GPRASP3: variants seen among roughly 807,000 people sequenced by gnomAD.
GPRASP3 encodes G protein-coupled receptor associated sorting protein family member 3, also known as G protein-coupled receptor associated sorting protein 3.
the GPRASP3 span, among the ~76,000 whole-genome samples, chrX:102,748,531 G>A: frequency 8.9e-6 from 1 of 112,606 alleles, no homozygotes; most frequent in African/African-American, 3.2e-5. Flanking sequence ...GCAGGACATT[G>A]TTGAGCATTA....
the GPRASP3 span, among the ~76,000 whole-genome samples, chrX:102,726,889 CT>C: frequency 8.9e-6 from 1 of 112,537 alleles, no homozygotes; most frequent in African/African-American, 3.2e-5. Context: ...TAAAGCTTTA[CT>C]TTTTAATCTG....
the GPRASP3 span, chrX:102,749,668 G>C: frequency 5.0e-6 from 6 of 1,211,190 alleles, no homozygotes; most frequent in Non-Finnish European, 5.6e-6. Context: ...CAATGCCCCT[G>C]CTGTAACTCC....
the GPRASP3 span, among the ~76,000 whole-genome samples, chrX:102,743,025 A>T: frequency 1.8e-5 from 2 of 111,541 alleles, no homozygotes; most frequent in African/African-American, 6.5e-5. Context: ...AAGATAAGAG[A>T]TAAATGGTTG....
chrX:102,749,285 C>T, the GPRASP3 span: 2 of 1,211,396 alleles, frequency 1.7e-6, no homozygotes, highest in Non-Finnish European at 2.2e-6. Context: ...AATGAGTCCA[C>T]CAGCTCCACA....
chrX:102,748,131 G>C, the GPRASP3 span, among the ~76,000 whole-genome samples: 1 of 111,756 alleles, frequency 8.9e-6, no homozygotes, highest in Non-Finnish European at 1.9e-5. Context: ...GCCACAAGGA[G>C]TACTAGGAGG....
chrX:102,745,404 A>T, the GPRASP3 span, among the ~76,000 whole-genome samples: 1 of 111,439 alleles, frequency 9.0e-6, no homozygotes, highest in African/African-American at 3.3e-5. Context: ...TGAGGCCTTG[A>T]TGGGAGCCCC....
the GPRASP3 span, chrX:102,721,176 G>A: frequency 9.0e-6 from 1 of 111,457 alleles, no homozygotes; most frequent in East Asian, 2.8e-4. Context: ...AGTGCCCTGT[G>A]TTTGTATGTG....
the GPRASP3 span, chrX:102,752,756 C>G: frequency 8.2e-6 from 1 of 121,974 alleles, no homozygotes; most frequent in African/African-American, 3.3e-5. Context: ...ATTGTAAATA[C>G]ATTCATCACC....
chrX:102,746,348 G>A, the GPRASP3 span, among the ~76,000 whole-genome samples: 2 of 112,554 alleles, frequency 1.8e-5, no homozygotes, highest in African/African-American at 6.4e-5. Flanking sequence ...ACCGGTGCAG[G>A]CCGAGCCAGG....
the GPRASP3 span, among the ~76,000 whole-genome samples, chrX:102,732,102 TG>T: frequency 1.8e-5 from 2 of 111,482 alleles, no homozygotes; most frequent in Non-Finnish European, 3.8e-5. Flanking sequence ...TCCTAGTGGG[TG>T]GGGGGAGAGC....
chrX:102,735,159 C>T, the GPRASP3 span, among the ~76,000 whole-genome samples: 3 of 111,902 alleles, frequency 2.7e-5, no homozygotes, highest in East Asian at 8.4e-4. Context: ...AGCTAAATTT[C>T]ACCTTTGCAT....
At chrX:102,736,963 G>C in the GPRASP3 span, among the ~76,000 whole-genome samples, 1 of 111,985 alleles carries the variant, frequency 8.9e-6, no homozygotes, top group Non-Finnish European at 1.9e-5. Context: ...GGAAACCAGA[G>C]GTTTTTCCCA....
the GPRASP3 span, among the ~76,000 whole-genome samples, chrX:102,729,115 G>C: frequency 1.1e-4 from 12 of 112,323 alleles, no homozygotes; most frequent in African/African-American, 3.9e-4. Flanking sequence ...ACTTTTGTGG[G>C]CATTACTTCC....
the GPRASP3 span, among the ~76,000 whole-genome samples, chrX:102,721,485 G>A: frequency 9.0e-6 from 1 of 111,624 alleles, no homozygotes; most frequent in Non-Finnish European, 1.9e-5. Context: ...ATGCAAGAGA[G>A]GAATGAACCT....
the GPRASP3 span, among the ~76,000 whole-genome samples, chrX:102,748,165 C>G: frequency 8.9e-6 from 1 of 111,743 alleles, no homozygotes; most frequent in African/African-American, 3.3e-5. Flanking sequence ...ATAACCAAAG[C>G]CCTAGATTTG....
the GPRASP3 span, among the ~76,000 whole-genome samples, chrX:102,744,203 A>G: frequency 8.9e-6 from 1 of 112,425 alleles, no homozygotes; most frequent in Admixed American, 9.4e-5. Context: ...CTTCACTGCC[A>G]TAATTTTCTC....
At chrX:102,747,717 C>T in the GPRASP3 span, 2 of 111,784 alleles carry the variant, frequency 1.8e-5, no homozygotes, top group Non-Finnish European at 1.9e-5. Flanking sequence ...TTTAACATAG[C>T]CTTGAATATT....
chrX:102,752,748 T>G, the GPRASP3 span: 2 of 122,346 alleles, frequency 1.6e-5, no homozygotes, highest in Non-Finnish European at 3.8e-5. Context: ...CAATCAAAAT[T>G]GTAAATACAT....
chrX:102,742,920 A>G, the GPRASP3 span, among the ~76,000 whole-genome samples: 3 of 111,787 alleles, frequency 2.7e-5, no homozygotes, highest in Non-Finnish European at 5.6e-5. Context: ...TTTTAGGGAG[A>G]GATGAGACAT....
Sources: allele counts gnomAD v4.1 joint callset (sites outside exome capture counted in the v4.1 genomes callset), GRCh38; gene constraint gnomAD v4.1.1; transcripts MANE v1.5; gene names NCBI Gene and HGNC (gene_info 2026-07-23, HGNC 2026-07-21).